The following SPATA9 variants were observed in gnomAD, a reference collection of about 807,000 sequenced individuals.
SPATA9 encodes the protein spermatogenesis associated 9.
Under a neutral mutation model 25.5 loss-of-function variants are expected in SPATA9, and 27 were observed. The observed-to-expected ratio is 1.06, with a 90% CI of 0.78 to 1.46. The LOEUF (loss-of-function observed/expected upper bound fraction) is 1.46. SPATA9 is among the 40% of genes most tolerant of loss of function. The probability of loss-of-function intolerance (pLI) is 0.00; values close to 1 mark genes in which losing one functional copy is unlikely to be tolerated. For missense variants in SPATA9, 282 were observed against 297.5 expected, an observed-to-expected ratio of 0.95 and a Z score of 0.38; for synonymous variants, 102 against 105.7, an observed-to-expected ratio of 0.97 and a Z score of 0.21.
At chr5:95,656,329 A>G (rs1179827356), downstream of SPATA9, 1 of 1,576,128 alleles carries the variant, frequency 6.3e-7, no homozygotes, top group East Asian at 2.2e-5. Context: ...TATAGAAATG[A>G]AAAATGTTGT....
At chr5:95,731,846 T>A in the SPATA9 span, 3 of 1,608,190 alleles carry the variant, frequency 1.9e-6, no homozygotes, top group East Asian at 6.7e-5. Context: ...CCTCGCCCCC[T>A]CTGTCCGTGC....
upstream of SPATA9, among the ~76,000 whole-genome samples, chr5:95,701,982 G>A (rs570592582): frequency 3.3e-5 from 5 of 152,238 alleles, no homozygotes; most frequent in East Asian, 9.6e-4. Flanking sequence ...AAAGTTAATG[G>A]AGTATATTTA....
At chr5:95,698,882 C>A (rs750510465), upstream of SPATA9, among the ~76,000 whole-genome samples, 2 of 152,134 alleles carry the variant, frequency 1.3e-5, no homozygotes, top group Non-Finnish European at 2.9e-5. Context: ...GCAAACTCAA[C>A]TCAATTACTA....
intron 2 of SPATA9, among the ~76,000 whole-genome samples, chr5:95,677,604 G>A (rs1235351896): frequency 1.3e-5 from 2 of 151,798 alleles, no homozygotes; most frequent in African/African-American, 4.8e-5. Flanking sequence ...CTTCTTAGCA[G>A]TTTTTTTTCA....
At chr5:95,664,364 T>C (rs1430585248) in intron 3 of SPATA9, among the ~76,000 whole-genome samples, 1 of 152,222 alleles carries the variant, frequency 6.6e-6, no homozygotes, top group Non-Finnish European at 1.5e-5. Context: ...CAGTCTTTCC[T>C]TTGTTAAAAT....
At chr5:95,677,234 G>C (rs1229782699) in intron 2 of SPATA9, among the ~76,000 whole-genome samples, 3 of 152,034 alleles carry the variant, frequency 2.0e-5, no homozygotes, top group Non-Finnish European at 4.4e-5. Context: ...TACTTGACTG[G>C]AGTATAAATT....
the SPATA9 span, among the ~76,000 whole-genome samples, chr5:95,716,644 G>A: frequency 1.3e-5 from 2 of 152,180 alleles, no homozygotes; most frequent in Non-Finnish European, 2.9e-5. Context: ...AAGGCTTTGG[G>A]GAACTGTTGG....
At chr5:95,709,601 C>A in the SPATA9 span, among the ~76,000 whole-genome samples, 1 of 152,108 alleles carries the variant, frequency 6.6e-6, no homozygotes, top group Non-Finnish European at 1.5e-5. Flanking sequence ...TTATCAGACC[C>A]TATGGCAGCA....
intron 3 of SPATA9, among the ~76,000 whole-genome samples, chr5:95,665,889 A>C (rs1385827360): frequency 1.3e-5 from 2 of 151,906 alleles, no homozygotes; most frequent in African/African-American, 4.9e-5. Flanking sequence ...CAATCGCTTG[A>C]ATCTGGGAGG....
At chr5:95,725,689 C>T in the SPATA9 span, among the ~76,000 whole-genome samples, 11 of 152,186 alleles carry the variant, frequency 7.2e-5, no homozygotes, top group Non-Finnish European at 1.2e-4. Context: ...ACTTGTATAA[C>T]CTCTTACAGT....
chr5:95,655,511 G>A (rs999115803), downstream of SPATA9: 5 of 152,782 alleles, frequency 3.3e-5, no homozygotes, highest in African/African-American at 4.8e-5. Flanking sequence ...TTTAAACAGA[G>A]AGACATGCAT....
chr5:95,703,830 C>T, the SPATA9 span, among the ~76,000 whole-genome samples: 1 of 73,704 alleles, frequency 1.4e-5, no homozygotes, highest in Non-Finnish European at 2.3e-5. Context: ...AACCTATAGG[C>T]ATTAAATCAT....
chr5:95,704,530 T>A, the SPATA9 span, among the ~76,000 whole-genome samples: 17 of 152,254 alleles, frequency 1.1e-4, no homozygotes, highest in African/African-American at 3.9e-4. Context: ...ATAAAAATAG[T>A]TTTAAATAAA....
At chr5:95,708,742 C>A in the SPATA9 span, 11 of 667,544 alleles carry the variant, frequency 1.6e-5, no homozygotes, top group African/African-American at 1.6e-4. Flanking sequence ...TTCATGGGTG[C>A]GAGCTGGCTC....
intron 3 of SPATA9, among the ~76,000 whole-genome samples, chr5:95,672,530 A>G (rs530935550): frequency 6.6e-6 from 1 of 152,190 alleles, no homozygotes; most frequent in African/African-American, 2.4e-5. Context: ...ATTATAACAT[A>G]AGAAAATTAT....
chr5:95,662,982 A>G (rs1203200924), intron 4 of SPATA9, among the ~76,000 whole-genome samples: 1 of 152,224 alleles, frequency 6.6e-6, no homozygotes, highest in African/African-American at 2.4e-5. Context: ...TTGTTAAAAA[A>G]CCATTTTAGA....
intron 3 of SPATA9, among the ~76,000 whole-genome samples, chr5:95,667,043 C>T (rs1751878340): frequency 6.6e-6 from 1 of 152,156 alleles, no homozygotes; most frequent in African/African-American, 2.4e-5. Flanking sequence ...ATTTTATCCT[C>T]TAACAAACCT....
exon 1 of SPATA9, chr5:95,698,636 G>C (rs774370718): frequency 4.6e-5 from 7 of 152,262 alleles, no homozygotes; most frequent in Non-Finnish European, 8.8e-5. Flanking sequence ...AGCAGAAACC[G>C]ATGAGGGAGG....
At position 95,682,563 on chromosome 5, in the gene SPATA9, A is replaced by T. The variant is rs765371815; in HGVS notation, c.115T>A (p.Phe39Ile). The change falls in exon 2 of 5, where the codon TTT becomes ATT. Residue 39 changes from phenylalanine to isoleucine, a missense_variant. Phe to Ile is a conservative substitution (Grantham distance 21, BLOSUM62 0). Transcript: ENST00000274432. ...MDLVDEFKDE[F>I]PTILRLSQSN... is the part of the protein sequence containing the mutation. ...TGTGATAATCTTAGGATGGTGGGAAATTCATCTTTAAACTCATCTACAAGG... is the reference window on the plus strand; with the variant it reads ...TGTGATAATCTTAGGATGGTGGGAATTTCATCTTTAAACTCATCTACAAGG... 1.9e-6 allele frequency: 3 copies of T among 1,613,688 alleles called. No individual in the cohort carries two copies. The South Asian group carries it at 3.3e-5, about 18-fold the overall frequency.
Sources: allele counts gnomAD v4.1 joint callset (sites outside exome capture counted in the v4.1 genomes callset), GRCh38; gene constraint gnomAD v4.1.1; transcripts MANE v1.5; gene names NCBI Gene and HGNC (gene_info 2026-07-23, HGNC 2026-07-21).